The following PRPF3 variants were observed in gnomAD, a reference collection of about 807,000 sequenced individuals.
The protein encoded by PRPF3 is U4/U6 small nuclear ribonucleoprotein Prp3.
In PRPF3, 3 loss-of-function variants were observed where a neutral mutation model predicts 89.2. That is an observed-to-expected ratio of 0.03 (90% CI 0.02 to 0.09). PRPF3 has a LOEUF of 0.09. Among genes scored for constraint, PRPF3 ranks in the 10% least tolerant of loss-of-function variants. The pLI, the probability that PRPF3 is intolerant of heterozygous loss-of-function variation, is 1.00. For synonymous variants in PRPF3, 270 were observed against 289.1 expected (o/e 0.93, Z 0.67); for missense variants, 463 against 828.8 (o/e 0.56, Z 5.42).
chr1:150,343,251 ATAT>A lies in PRPF3; in HGVS notation c.1283-57_1283-55del, dbSNP rs1560112211. 3.9e-4 allele frequency: 235 copies of A among 595,060 alleles called. 1 individual carries two copies. Among genetic ancestry groups the A allele is most frequent in the African/African-American group, 1.4e-3 (25 of 17,916 alleles). 36.9% of individuals were successfully genotyped at this position (595,060 alleles called of 1,614,324 possible). ...AGTGAGAGAGAGAAAAAAAAAAAAT[ATAT>A]ATATATATATATGTATTCTTACTGC... On this transcript the variant is annotated intron_variant, in intron 9 of 15. Transcript: ENST00000324862.
At chr1:150,349,999 G>A (rs1358622672) in intron 15 of PRPF3, among the ~76,000 whole-genome samples, 4 of 151,954 alleles carry the variant, frequency 2.6e-5, no homozygotes, top group Non-Finnish European at 5.9e-5. Flanking sequence ...AGGTTCAAAC[G>A]ATTCTCCTGC....
At chr1:150,335,376 C>T in intron 7 of PRPF3, 135 bp downstream of exon 7, 2 of 1,043,406 alleles carry the variant, frequency 1.9e-6, no homozygotes, top group Non-Finnish European at 2.8e-6. Context: ...TTTTTGGCAC[C>T]AGGGACTTGT....
At chr1:150,346,590 A>G in intron 14 of PRPF3, 99 bp downstream of exon 14, 1 of 1,232,012 alleles carries the variant, frequency 8.1e-7, no homozygotes, top group Non-Finnish European at 1.2e-6. Flanking sequence ...CACTCTTGAT[A>G]ACACTAGATA....
Position 150,333,325 on chromosome 1 carries a change from T to TGAGGTAGGTGGATCACCTGAGGTCAG in PRPF3, c.728+130_728+155dup, listed in dbSNP as rs587737665. ...CTGTAATCGTAGCACTTTGGGAGGC[T>TGAGGTAGGTGGATCACCTGAGGTCAG]GAGGTAGGTGGATCACCTGAGGTCA... On this transcript the variant is annotated intron_variant, in intron 6 of 15. Coordinates refer to ENST00000324862, the MANE Select transcript of PRPF3 (RefSeq NM_004698.4). 219 of 1,049,176 alleles carry TGAGGTAGGTGGATCACCTGAGGTCAG rather than the reference T, an allele frequency of 2.1e-4. No homozygotes were observed. The South Asian group carries it at 2.4e-3, about 11-fold the overall frequency. The allele number at this position is 1,049,176 out of a possible 1,614,324, so 65.0% of individuals were successfully genotyped here. A position where few individuals can be genotyped will look rare whatever the true frequency, so the allele number is the denominator to read the frequency against.
At chr1:150,339,750 T>TG (rs1178521547) in intron 8 of PRPF3, among the ~76,000 whole-genome samples, 4 of 144,460 alleles carry the variant, frequency 2.8e-5, no homozygotes, top group Non-Finnish European at 3.0e-5. Context: ...TTTTTTTTTT[T>TG]TTTTTTTTTT....
At chr1:150,346,370 T>C in intron 13 of PRPF3, 38 bp from the exon 14 acceptor site, 1 of 1,579,756 alleles carries the variant, frequency 6.3e-7, no homozygotes, top group Non-Finnish European at 8.7e-7. Context: ...CCCATCATCT[T>C]CCACAGTTCT....
intron 6 of PRPF3, 66 bp from the exon 7 acceptor site, chr1:150,334,869 T>G: frequency 2.5e-6 from 4 of 1,584,196 alleles, no homozygotes; most frequent in Admixed American, 1.7e-5. Flanking sequence ...ACGCCTGGCT[T>G]TATTTTGTTT....
intron 15 of PRPF3, among the ~76,000 whole-genome samples, chr1:150,351,000 C>T (rs1378833877): frequency 6.6e-6 from 1 of 151,300 alleles, no homozygotes; most frequent in African/African-American, 2.4e-5. Flanking sequence ...GGTGCAGTGG[C>T]TCATGCCTAT....
intron 9 of PRPF3, among the ~76,000 whole-genome samples, chr1:150,341,232 C>A (rs782200765): frequency 6.6e-6 from 1 of 151,728 alleles, no homozygotes; most frequent in African/African-American, 2.4e-5. Context: ...TTTTATAGAA[C>A]CACATGTTGT....
intron 15 of PRPF3, among the ~76,000 whole-genome samples, chr1:150,352,492 C>T (rs797035240): frequency 1.2e-4 from 19 of 152,030 alleles, no homozygotes; most frequent in African/African-American, 3.9e-4. Flanking sequence ...GGTGAAACCC[C>T]GTCTCTACTA....
In PRPF3 at chr1:150,340,381, T is replaced by C; in HGVS notation, c.1203-17T>C. The C allele has an allele frequency of 6.5e-7, 1 of 1,548,370 alleles. No homozygotes were observed. Among genetic ancestry groups the C allele is most frequent in the African/African-American group, 1.4e-5 (1 of 73,544 alleles). ...TCTACCCGCATATCGTGTTTTCTTTTCTTCCTACAATTTTAGTACAGAGGA... is the reference window on the plus strand; with the variant it reads ...TCTACCCGCATATCGTGTTTTCTTTCCTTCCTACAATTTTAGTACAGAGGA... On this transcript the variant is annotated splice_polypyrimidine_tract_variant and intron_variant, in intron 8 of 15. Coordinates refer to ENST00000324862, the MANE Select transcript of PRPF3 (RefSeq NM_004698.4).
chr1:150,340,492 C>G lies in PRPF3; in HGVS notation c.1282+15C>G, dbSNP rs1553870064. 2 of 1,564,818 alleles carry G rather than the reference C, an allele frequency of 1.3e-6. No individual in the cohort carries two copies. The highest frequency in any genetic ancestry group is 1.1e-5 in the South Asian group (1 of 90,048). On this transcript the variant is annotated intron_variant, in intron 9 of 15. Transcript: ENST00000324862. ...CAATCCTCCAGGTAATGTATAGATTCCTGAATCAAGTCTCTAGAGCAGCAT... is the reference window on the plus strand; with the variant it reads ...CAATCCTCCAGGTAATGTATAGATTGCTGAATCAAGTCTCTAGAGCAGCAT...
intron 5 of PRPF3, 59 bp downstream of exon 5, chr1:150,332,826 C>A: frequency 6.3e-7 from 1 of 1,575,602 alleles, no homozygotes; most frequent in African/African-American, 1.3e-5. Flanking sequence ...TCTTGCCATC[C>A]ACTCAAAATG....
chr1:150,325,918 GT>G, intron 3 of PRPF3, 37 bp downstream of exon 3: 1 of 1,606,164 alleles, frequency 6.2e-7, no homozygotes, highest in South Asian at 1.1e-5. Context: ...GCTCAGGACT[GT>G]TTTGAATGGT....
At chr1:150,342,347 TCCAGC>T (rs1657840605) in intron 9 of PRPF3, among the ~76,000 whole-genome samples, 1 of 151,862 alleles carries the variant, frequency 6.6e-6, no homozygotes, top group Admixed American at 6.6e-5. Context: ...GCCACTGCAC[TCCAGC>T]CTGGGCAGCA....
At chr1:150,332,830 C>T in intron 5 of PRPF3, 63 bp downstream of exon 5, 1 of 1,568,740 alleles carries the variant, frequency 6.4e-7, no homozygotes, top group Non-Finnish European at 8.7e-7. Flanking sequence ...GCCATCCACT[C>T]AAAATGAGAG....
chr1:150,336,453 A>G (rs1234257035), intron 7 of PRPF3, among the ~76,000 whole-genome samples: 1 of 152,114 alleles, frequency 6.6e-6, no homozygotes, highest in Non-Finnish European at 1.5e-5. Flanking sequence ...CCTGATTTAA[A>G]GCAATGAATA....
At chr1:150,322,876 C>CTT (rs113626826) in intron 1 of PRPF3, among the ~76,000 whole-genome samples, 28,378 of 146,296 alleles carry the variant, frequency 0.19, 3,044 homozygotes, top group African/African-American at 0.22. Context: ...ATTTAGACAC[C>CTT]TTTTTTTTTT....
chr1:150,322,666 G>C (rs1453165500), intron 1 of PRPF3, among the ~76,000 whole-genome samples: 2 of 152,176 alleles, frequency 1.3e-5, no homozygotes, highest in African/African-American at 4.8e-5. Flanking sequence ...TATACCAAAA[G>C]TGAGTCTATT....
Sources: gnomAD v4.1 joint callset for allele counts (sites outside exome capture counted in the v4.1 genomes callset) on GRCh38, gnomAD v4.1.1 for gene constraint, MANE v1.5 for transcripts, NCBI Gene and HGNC (gene_info 2026-07-23, HGNC 2026-07-21) for gene names.